Variants in CALD1 observed in about 807,000 individuals in gnomAD.
CALD1 encodes caldesmon 1.
In CALD1, 33 loss-of-function variants were observed where a neutral mutation model predicts 99.9. The observed-to-expected ratio is 0.33, with a 90% CI of 0.25 to 0.44. CALD1 has a LOEUF of 0.44. CALD1 is among the 20% of genes least tolerant of loss of function. CALD1 has a pLI of 1.00. For synonymous variants in CALD1, 310 were observed against 325.0 expected, an observed-to-expected ratio of 0.95 and a Z score of 0.50; for missense variants, 861 against 962.1, an observed-to-expected ratio of 0.89 and a Z score of 1.39.
chr7:134,790,779 C>A (rs1325662607), intron 1 of CALD1, among the ~76,000 whole-genome samples: 1 of 152,216 alleles, frequency 6.6e-6, no homozygotes, highest in Non-Finnish European at 1.5e-5. Context: ...AGTTTCCATC[C>A]TTCTCCCTGA....
chr7:134,712,777 A>G, the CALD1 span, among the ~76,000 whole-genome samples: 2 of 152,218 alleles, frequency 1.3e-5, no homozygotes, highest in Admixed American at 6.5e-5. Flanking sequence ...TTGAAATAAC[A>G]AACTACCCTT....
chr7:134,934,220 C>T (rs920232116), intron 5 of CALD1, 143 bp downstream of exon 5: 7 of 1,252,988 alleles, frequency 5.6e-6, no homozygotes, highest in Non-Finnish European at 3.3e-6. Flanking sequence ...CAGGCCATAG[C>T]GATACACAAG....
At chr7:134,811,079 T>C (rs146477868) in intron 1 of CALD1, among the ~76,000 whole-genome samples, 1 of 152,282 alleles carries the variant, frequency 6.6e-6, no homozygotes, top group Non-Finnish European at 1.5e-5. Context: ...CCTCCGTGTA[T>C]TATATCTGAC....
chr7:134,731,015 T>G, the CALD1 span, among the ~76,000 whole-genome samples: 1 of 152,128 alleles, frequency 6.6e-6, no homozygotes, highest in Non-Finnish European at 1.5e-5. Context: ...TCTCTGGTTC[T>G]GTCATCAACA....
intron 1 of CALD1, among the ~76,000 whole-genome samples, chr7:134,788,923 G>C (rs112705177): frequency 1.3e-5 from 2 of 151,624 alleles, no homozygotes; most frequent in Non-Finnish European, 2.9e-5. Flanking sequence ...GCTGAGGTGG[G>C]AGGATCACAT....
At chr7:134,722,517 T>C in the CALD1 span, among the ~76,000 whole-genome samples, 3 of 151,982 alleles carry the variant, frequency 2.0e-5, no homozygotes, top group Admixed American at 2.0e-4. Context: ...GCCTCCCAGG[T>C]TCAAGCGATT....
intron 3 of CALD1, among the ~76,000 whole-genome samples, chr7:134,887,610 G>A (rs866621345): frequency 6.0e-5 from 9 of 150,962 alleles, no homozygotes; most frequent in African/African-American, 2.2e-4. Flanking sequence ...ATGCATGCAT[G>A]CGTGTATATG....
chr7:134,817,118 T>C (rs555445051), intron 1 of CALD1, among the ~76,000 whole-genome samples: 1 of 152,238 alleles, frequency 6.6e-6, no homozygotes, highest in South Asian at 2.1e-4. Flanking sequence ...TCCTTTATGG[T>C]CAAAATTGTA....
chr7:134,844,877 A>T (rs1307872583), intron 2 of CALD1, among the ~76,000 whole-genome samples: 3 of 152,178 alleles, frequency 2.0e-5, no homozygotes, highest in Admixed American at 6.5e-5. Context: ...GTCATATTGG[A>T]TTAGGCCCAC....
chr7:134,844,802 C>T (rs57644226), intron 2 of CALD1, among the ~76,000 whole-genome samples: 3 of 152,196 alleles, frequency 2.0e-5, no homozygotes, highest in Non-Finnish European at 2.9e-5. Flanking sequence ...GTCCTCTCTC[C>T]GGGCACACAC....
intron 1 of CALD1, among the ~76,000 whole-genome samples, chr7:134,820,046 T>C (rs918198669): frequency 6.6e-6 from 1 of 152,228 alleles, no homozygotes; most frequent in Non-Finnish European, 1.5e-5. Flanking sequence ...TTTGTTAATG[T>C]GCTTCTTTTT....
chr7:134,901,029 C>G (rs1258546614), intron 3 of CALD1, among the ~76,000 whole-genome samples: 3 of 152,022 alleles, frequency 2.0e-5, no homozygotes, highest in Non-Finnish European at 4.4e-5. Flanking sequence ...GAATTTGTAC[C>G]ACTATACGTT....
intron 9 of CALD1, 117 bp downstream of exon 9, chr7:134,950,631 A>G: frequency 1.2e-6 from 1 of 860,724 alleles, no homozygotes; most frequent in Non-Finnish European, 1.8e-6. Context: ...TATCCTTCCA[A>G]GTTAATCTGT....
chr7:134,899,541 A>C (rs991311735), intron 3 of CALD1, among the ~76,000 whole-genome samples: 4 of 152,158 alleles, frequency 2.6e-5, no homozygotes, highest in African/African-American at 9.7e-5. Context: ...TCCTATTCGG[A>C]GCCTAACCCA....
intron 1 of CALD1, among the ~76,000 whole-genome samples, chr7:134,811,340 C>T (rs1160230635): frequency 6.6e-6 from 1 of 152,176 alleles, no homozygotes; most frequent in African/African-American, 2.4e-5. Context: ...GTCTGGAGTA[C>T]AATCAGAATC....
At chr7:134,959,064 C>A (rs1430560605) in intron 11 of CALD1, among the ~76,000 whole-genome samples, 1 of 151,596 alleles carries the variant, frequency 6.6e-6, no homozygotes, top group Non-Finnish European at 1.5e-5. Context: ...TTTTTCATAG[C>A]ACTTAGCACA....
At chr7:134,780,421 C>T (rs7812047) in intron 1 of CALD1, among the ~76,000 whole-genome samples, 15,926 of 151,486 alleles carry the variant, frequency 0.11, 926 homozygotes, top group Non-Finnish European at 0.12. Context: ...AGAATGCATG[C>T]GCTAGTGGGT....
upstream of CALD1, among the ~76,000 whole-genome samples, chr7:134,775,278 T>G (rs1796908919): frequency 1.3e-5 from 2 of 152,244 alleles, no homozygotes; most frequent in African/African-American, 4.8e-5. Context: ...ATTTGTTTAG[T>G]CTTGTGTGAA....
chr7:134,752,899 A>G (rs865931396), intron 1 of CALD1, among the ~76,000 whole-genome samples: 41 of 151,586 alleles, frequency 2.7e-4, no homozygotes, highest in African/African-American at 9.7e-4. Flanking sequence ...AATCCCAGCT[A>G]CTCAGGAGGC....
Sources: gnomAD v4.1 joint callset for allele counts (sites outside exome capture counted in the v4.1 genomes callset) on GRCh38, gnomAD v4.1.1 for gene constraint, MANE v1.5 for transcripts, NCBI Gene and HGNC (gene_info 2026-07-23, HGNC 2026-07-21) for gene names.